The following ARFGEF2 variants were observed in gnomAD, a reference collection of about 807,000 sequenced individuals.
ARFGEF2 encodes the protein ARF guanine nucleotide exchange factor 2, also known as brefeldin A-inhibited guanine nucleotide-exchange protein 2.
ARFGEF2 carries 74 observed loss-of-function variants against 219.9 expected under a neutral mutation model. The ratio of observed to expected loss-of-function variants is 0.34; its 90% CI spans 0.28 to 0.41. The LOEUF is 0.41. Among genes scored for constraint, ARFGEF2 ranks in the 10% least tolerant of loss-of-function variants. The pLI is 1.00. For synonymous variants in ARFGEF2, 733 were observed against 799.2 expected, an observed-to-expected ratio of 0.92 and a Z score of 1.40; for missense variants, 1,743 against 2,218.3, an observed-to-expected ratio of 0.79 and a Z score of 4.30.
At chr20:48,987,603 G>C (rs539488228) in intron 16 of ARFGEF2, among the ~76,000 whole-genome samples, 27 of 152,178 alleles carry the variant, frequency 1.8e-4, no homozygotes, top group Middle Eastern at 6.8e-3. Flanking sequence ...GGACAAGGTG[G>C]GGGAGGCACT....
chr20:49,014,165 G>A (rs2091517146), intron 30 of ARFGEF2, among the ~76,000 whole-genome samples: 1 of 151,934 alleles, frequency 6.6e-6, no homozygotes, highest in Admixed American at 6.6e-5. Flanking sequence ...TCAGAAGAAT[G>A]AGAGGAAATA....
intron 34 of ARFGEF2, among the ~76,000 whole-genome samples, chr20:49,019,278 A>G (rs530989876): frequency 3.9e-5 from 6 of 152,340 alleles, no homozygotes; most frequent in Admixed American, 3.9e-4. Flanking sequence ...TTCCATATAC[A>G]TTGACATATA....
At chr20:48,972,253 T>C in intron 10 of ARFGEF2, 73 bp from the exon 11 acceptor site, 1 of 1,096,700 alleles carries the variant, frequency 9.1e-7, no homozygotes, top group Non-Finnish European at 1.4e-6. Context: ...GGTTGGCTGC[T>C]GAAGACTTTG....
intron 16 of ARFGEF2, among the ~76,000 whole-genome samples, chr20:48,986,383 C>A (rs575906679): frequency 1.1e-4 from 16 of 152,196 alleles, no homozygotes; most frequent in African/African-American, 3.9e-4. Flanking sequence ...AATCCCAGCA[C>A]TTTGGGAGGC....
At chr20:48,976,932 A>C (rs1379150290) in intron 14 of ARFGEF2, among the ~76,000 whole-genome samples, 1 of 146,696 alleles carries the variant, frequency 6.8e-6, no homozygotes, top group Non-Finnish European at 1.5e-5. Context: ...TTATTTTTTT[A>C]GGCATTTTAT....
At chr20:48,971,402 G>A in intron 10 of ARFGEF2, 48 bp downstream of exon 10, 2 of 1,328,446 alleles carry the variant, frequency 1.5e-6, no homozygotes, top group Non-Finnish European at 2.1e-6. Flanking sequence ...ATTATTATTA[G>A]TCATTAATTA....
At chr20:49,010,466 GCTGT>G in intron 27 of ARFGEF2, 62 bp downstream of exon 27, 1 of 1,594,472 alleles carries the variant, frequency 6.3e-7, no homozygotes, top group South Asian at 1.1e-5. Flanking sequence ...AGTGTCACTT[GCTGT>G]CTATTTTACT....
chr20:49,017,986 G>T (rs998107051), intron 33 of ARFGEF2, among the ~76,000 whole-genome samples: 1 of 152,126 alleles, frequency 6.6e-6, no homozygotes, highest in Non-Finnish European at 1.5e-5. Flanking sequence ...GTGCTTTGGC[G>T]TAACTGTGCT....
chr20:49,001,726 A>G (rs572781122), intron 25 of ARFGEF2, among the ~76,000 whole-genome samples: 3 of 152,282 alleles, frequency 2.0e-5, no homozygotes, highest in Non-Finnish European at 4.4e-5. Flanking sequence ...CCCAAAGCTA[A>G]TTATTCTTAC....
intron 25 of ARFGEF2, among the ~76,000 whole-genome samples, chr20:49,004,770 C>T (rs979097441): frequency 1.3e-5 from 2 of 151,832 alleles, no homozygotes; most frequent in African/African-American, 2.4e-5. Context: ...CCAGTCTGGG[C>T]GACAGAGCCA....
At chr20:49,017,137 G>T in intron 31 of ARFGEF2, 112 bp from the exon 32 acceptor site, 1 of 1,083,194 alleles carries the variant, frequency 9.2e-7, no homozygotes, top group Non-Finnish European at 1.4e-6. Flanking sequence ...TTAATTAAAA[G>T]CCTAGAAACT....
chr20:48,958,423 AT>A (rs2091118089), intron 6 of ARFGEF2, among the ~76,000 whole-genome samples: 1 of 148,708 alleles, frequency 6.7e-6, no homozygotes, highest in Non-Finnish European at 1.5e-5. Flanking sequence ...ACAAGGGAAC[AT>A]TTTTTCTCTG....
chr20:49,018,975 G>T lies in ARFGEF2; in HGVS notation c.4601G>T (p.Ser1534Ile), dbSNP rs2091547661. 1.2e-6 allele frequency: 2 copies of T among 1,613,950 alleles called. No individual in the cohort carries two copies. The highest frequency in any genetic ancestry group is 1.7e-6 in the Non-Finnish European group (2 of 1,179,864). The change falls in exon 34 of 39, where the codon AGC becomes ATC. Residue 1534 changes from serine (S) to isoleucine (I), a missense_variant. Ser to Ile is a moderately radical substitution (Grantham distance 142). Around this residue, in one of 5 missense-constraint regions of ARFGEF2, gnomAD observed 578 missense variants for 664.0 expected, o/e 0.87. Transcript: ENST00000371917. The stretch of plus-strand genomic sequence containing the variant: ...CAGCTCTCTAACCCAACAGATGACA[G>T]CTGGAAGGGTAGACCATACGCAAGT... ...QSQLSNPTDD[S>I]WKGRPYANQK...
At chr20:48,950,805 AAAAAAAATATATATATATATATATAT>A (rs1199116420) in intron 3 of ARFGEF2, among the ~76,000 whole-genome samples, 2 of 40,230 alleles carry the variant, frequency 5.0e-5, no homozygotes, top group Non-Finnish European at 9.8e-5. Context: ...AAAAAAAAAA[AAAAAAAATATATATATATATATATAT>A]ATATATATAT....
At chr20:48,995,938 T>G in intron 23 of ARFGEF2, 56 bp downstream of exon 23, 2 of 1,446,870 alleles carry the variant, frequency 1.4e-6, no homozygotes, top group Non-Finnish European at 1.9e-6. Flanking sequence ...GTGGCCTCTC[T>G]GTAGTTACTG....
Position 49,033,243 on chromosome 20 carries a change from G to A in ARFGEF2, c.*44G>A. 1 of 1,608,282 alleles carries A rather than the reference G, an allele frequency of 6.2e-7. No homozygotes were observed. The highest frequency in any genetic ancestry group is 8.5e-7 in the Non-Finnish European group (1 of 1,175,288). ...GTGCTGCAGCTCTGCAGAATGTTCA[G>A]CATGCCATTTCTGACTGGCACATCT... On this transcript the variant is annotated 3_prime_UTR_variant, in exon 39 of 39. Coordinates refer to ENST00000371917, the MANE Select transcript of ARFGEF2 (RefSeq NM_006420.3).
intron 9 of ARFGEF2, among the ~76,000 whole-genome samples, chr20:48,969,511 A>G (rs1374408908): frequency 1.3e-5 from 2 of 152,250 alleles, no homozygotes; most frequent in Non-Finnish European, 1.5e-5. Context: ...TTTTCTTGGC[A>G]TATGAATGCT....
In ARFGEF2 at chr20:49,035,567, A is replaced by G. The variant is rs1480433332; in HGVS notation, c.*2368A>G. 2.0e-5 allele frequency: 3 copies of G among 152,214 alleles called. No individual in the cohort carries two copies. Among genetic ancestry groups the G allele is most frequent in the Non-Finnish European group, 4.4e-5 (3 of 68,046 alleles). 9.4% of individuals were successfully genotyped at this position (152,214 alleles called of 1,614,324 possible). A position where few individuals can be genotyped will look rare whatever the true frequency, so the allele number is the denominator to read the frequency against. ...ATAAATCTCTTCTTTCTCATGGTAA[A>G]TGTGGCTTGTGCCACTCAAACACTA... On this transcript the variant is annotated 3_prime_UTR_variant, in exon 39 of 39. Coordinates refer to ENST00000371917, the MANE Select transcript of ARFGEF2 (RefSeq NM_006420.3).
chr20:48,931,112 G>T (rs1047091169), intron 1 of ARFGEF2, among the ~76,000 whole-genome samples: 1 of 152,236 alleles, frequency 6.6e-6, no homozygotes, highest in Non-Finnish European at 1.5e-5. Flanking sequence ...CATGATGGAG[G>T]TGAAAGCCAG....
Sources: gnomAD v4.1 joint callset for allele counts (sites outside exome capture counted in the v4.1 genomes callset) on GRCh38, gnomAD v4.1.1 for gene constraint, gnomAD v4.1.1 regional missense constraint, MANE v1.5 for transcripts, NCBI Gene and HGNC (gene_info 2026-07-23, HGNC 2026-07-21) for gene names.